SORCS1: variants seen among roughly 807,000 people sequenced by gnomAD.
The protein encoded by SORCS1 is sortilin related VPS10 domain containing receptor 1.
A neutral mutation model predicts 146.1 loss-of-function variants in SORCS1; 60 were observed. The ratio of observed to expected loss-of-function variants is 0.41; its 90% CI spans 0.33 to 0.51. The LOEUF is 0.51. Among genes scored for constraint, SORCS1 ranks in the 20% least tolerant of loss-of-function variants. SORCS1 has a pLI of 0.21. For synonymous variants in SORCS1, 637 were observed against 584.0 expected (o/e 1.09, Z -1.31); for missense variants, 1,352 against 1,487.6 (o/e 0.91, Z 1.50).
At chr10:106,797,051 A>G (rs143929625) in intron 3 of SORCS1, among the ~76,000 whole-genome samples, 19 of 152,262 alleles carry the variant, frequency 1.2e-4, no homozygotes, top group East Asian at 7.7e-4. Context: ...AGGTTGCAGT[A>G]AGCCGGGATC....
intron 1 of SORCS1, among the ~76,000 whole-genome samples, chr10:106,969,504 G>A (rs529952046): frequency 3.9e-5 from 6 of 152,282 alleles, no homozygotes; most frequent in Admixed American, 3.9e-4. Flanking sequence ...TGGAAGAGTT[G>A]AAAGAAGTAG....
intron 1 of SORCS1, among the ~76,000 whole-genome samples, chr10:107,103,516 CT>C (rs1347909443): frequency 6.6e-6 from 1 of 152,216 alleles, no homozygotes; most frequent in Non-Finnish European, 1.5e-5. Context: ...TCCAAAAATA[CT>C]GATTTTGATC....
intron 18 of SORCS1, among the ~76,000 whole-genome samples, chr10:106,642,668 C>T (rs1293301477): frequency 6.6e-6 from 1 of 151,778 alleles, no homozygotes; most frequent in Non-Finnish European, 1.5e-5. Context: ...AAGAAATACA[C>T]GTATTCTAAA....
intron 2 of SORCS1, among the ~76,000 whole-genome samples, chr10:106,836,167 C>T (rs1314925436): frequency 3.3e-5 from 5 of 152,018 alleles, no homozygotes; most frequent in African/African-American, 9.7e-5. Context: ...AACTAGCCTG[C>T]TTAAGACTAC....
intron 1 of SORCS1, among the ~76,000 whole-genome samples, chr10:107,137,086 A>G (rs1392949437): frequency 6.6e-6 from 1 of 152,096 alleles, no homozygotes; most frequent in South Asian, 2.1e-4. Context: ...GGGCCCTTTA[A>G]CTCTTGGTTC....
intron 2 of SORCS1, among the ~76,000 whole-genome samples, chr10:106,921,172 G>A (rs1487701801): frequency 6.6e-6 from 1 of 152,124 alleles, no homozygotes; most frequent in Non-Finnish European, 1.5e-5. Context: ...CCCAAATTTG[G>A]AGAGATACAG....
At chr10:106,947,122 A>G (rs1359085180) in intron 2 of SORCS1, among the ~76,000 whole-genome samples, 1 of 152,198 alleles carries the variant, frequency 6.6e-6, no homozygotes, top group Non-Finnish European at 1.5e-5. Flanking sequence ...TTTCATCCAA[A>G]ATACTGATTT....
chr10:106,808,982 T>C (rs1947324909), intron 3 of SORCS1, among the ~76,000 whole-genome samples: 1 of 152,128 alleles, frequency 6.6e-6, no homozygotes, highest in Admixed American at 6.6e-5. Context: ...ATAACTTCAA[T>C]GTATAAGCCT....
intron 1 of SORCS1, among the ~76,000 whole-genome samples, chr10:107,024,099 C>T (rs71475436): frequency 2.7e-5 from 4 of 149,114 alleles, no homozygotes; most frequent in Non-Finnish European, 4.4e-5. Flanking sequence ...GCTTGAATCC[C>T]GGAGGTGGAG....
intron 1 of SORCS1, among the ~76,000 whole-genome samples, chr10:106,978,646 A>C (rs1195291693): frequency 6.6e-6 from 1 of 152,050 alleles, no homozygotes; most frequent in East Asian, 1.9e-4. Context: ...AAAAATACAA[A>C]AATTAGCCAG....
chr10:107,117,206 C>T (rs1023989860), intron 1 of SORCS1, among the ~76,000 whole-genome samples: 3 of 152,088 alleles, frequency 2.0e-5, no homozygotes, highest in Admixed American at 6.6e-5. Context: ...ACTTAATCCA[C>T]CACCCAAGCA....
chr10:107,100,228 A>T (rs926621781), intron 1 of SORCS1, among the ~76,000 whole-genome samples: 3 of 152,214 alleles, frequency 2.0e-5, no homozygotes, highest in Non-Finnish European at 4.4e-5. Context: ...GAAATAAGTA[A>T]ATAGGCCGGG....
intron 17 of SORCS1, chr10:106,667,035 C>T (rs559919392): frequency 1.3e-5 from 2 of 152,182 alleles, no homozygotes; most frequent in African/African-American, 4.8e-5. Flanking sequence ...AGGTTCTACA[C>T]ACTATTTTAA....
At chr10:106,907,483 A>G (rs1951959855) in intron 2 of SORCS1, among the ~76,000 whole-genome samples, 1 of 152,228 alleles carries the variant, frequency 6.6e-6, no homozygotes, top group Non-Finnish European at 1.5e-5. Flanking sequence ...TTTTATCTGA[A>G]GGTGCTAAGA....
In SORCS1 at chr10:106,576,320, C is replaced by CA. The variant is rs1844575479; in HGVS notation, c.*1099_*1100insT. The CA allele has an allele frequency of 6.6e-6, 1 of 152,280 alleles. No individual in the cohort carries two copies. Among genetic ancestry groups the CA allele is most frequent in the East Asian group, 1.9e-4 (1 of 5,202 alleles). The allele number at this position is 152,280 out of a possible 1,614,324, so 9.4% of individuals were successfully genotyped here. ...ACAGGCCAGGCCAGTATTTAGGAAA[C>CA]GTCAGGGTTAATGTCCAGAATCTAG... On this transcript the variant is annotated 3_prime_UTR_variant, in exon 26 of 26. Transcript: ENST00000263054.
At chr10:106,701,124 A>C (rs1002527576) in intron 8 of SORCS1, among the ~76,000 whole-genome samples, 4 of 152,160 alleles carry the variant, frequency 2.6e-5, no homozygotes, top group Non-Finnish European at 5.9e-5. Context: ...TACAATACCT[A>C]ATACAATGTA....
Position 106,611,839 on chromosome 10 carries a change from C to T in SORCS1, c.3033+72G>A, listed in dbSNP as rs550530532. ...GTTTGTTTGTTTTTGTACAAAGCTC[C>T]CCTTTCTGTGAAATTCTTCAAGGAC... is the stretch of plus-strand genomic sequence containing the variant. On this transcript the variant is annotated intron_variant, in intron 22 of 25. Coordinates refer to ENST00000263054, the MANE Select transcript of SORCS1 (RefSeq NM_052918.5). The T allele has an allele frequency of 6.9e-6, 8 of 1,161,332 alleles. No homozygotes were observed. In the African/African-American group the frequency reaches 9.2e-5, roughly 13 times the overall value. The allele number at this position is 1,161,332 out of a possible 1,614,324, so 71.9% of individuals were successfully genotyped here.
intron 1 of SORCS1, among the ~76,000 whole-genome samples, chr10:107,149,074 T>C (rs1422692344): frequency 1.3e-5 from 2 of 152,186 alleles, no homozygotes; most frequent in African/African-American, 4.8e-5. Flanking sequence ...AGAAGGGAAC[T>C]GAAAGACCAC....
At chr10:106,744,273 T>C (rs1276156725) in intron 5 of SORCS1, among the ~76,000 whole-genome samples, 2 of 152,030 alleles carry the variant, frequency 1.3e-5, no homozygotes, top group Non-Finnish European at 2.9e-5. Flanking sequence ...CCCAGCTAAT[T>C]TTTTTGTAGT....
Sources: allele counts gnomAD v4.1 joint callset (sites outside exome capture counted in the v4.1 genomes callset), GRCh38; gene constraint gnomAD v4.1.1; transcripts MANE v1.5; gene names NCBI Gene and HGNC (gene_info 2026-07-23, HGNC 2026-07-21).